HCK: variants seen among roughly 807,000 people sequenced by gnomAD.
HCK encodes tyrosine-protein kinase HCK.
HCK carries 40 observed loss-of-function variants against 70.4 expected under a neutral mutation model. The observed-to-expected ratio is 0.57, with a 90% CI of 0.44 to 0.74. The LOEUF (loss-of-function observed/expected upper bound fraction) is 0.74, where lower values mean the gene tolerates loss of function less well. Among genes scored for constraint, HCK ranks in the 30% least tolerant of loss-of-function variants. The pLI, the probability that HCK is intolerant of heterozygous loss-of-function variation, is 0.00. For synonymous variants in HCK, 245 were observed against 263.2 expected (o/e 0.93, Z 0.67); for missense variants, 568 against 697.2 (o/e 0.81, Z 2.09).
chr20:32,094,705 A>AAAAGAAAAG (rs1555877762), intron 11 of HCK, among the ~76,000 whole-genome samples: 19 of 74,912 alleles, frequency 2.5e-4, no homozygotes, highest in Non-Finnish European at 3.5e-4. Flanking sequence ...AAAAGAAAAG[A>AAAAGAAAAG]AAAGAAAGAA....
intron 4 of HCK, among the ~76,000 whole-genome samples, chr20:32,074,028 T>C (rs1337061946): frequency 2.0e-5 from 3 of 152,186 alleles, no homozygotes; most frequent in Admixed American, 1.3e-4. Context: ...ACGTCCAGCC[T>C]GAGATGAACA....
chr20:32,055,841 C>T (rs533782314), intron 1 of HCK, among the ~76,000 whole-genome samples: 2 of 152,286 alleles, frequency 1.3e-5, no homozygotes, highest in African/African-American at 2.4e-5. Flanking sequence ...CCCATTCCCC[C>T]GGCCCCTGGC....
chr20:32,085,390 T>C (rs2045770450), intron 8 of HCK, among the ~76,000 whole-genome samples: 2 of 151,992 alleles, frequency 1.3e-5, no homozygotes, highest in South Asian at 4.2e-4. Context: ...GGTGGGAGCC[T>C]GTAATCCCAC....
At chr20:32,077,251 C>CCTTGAAA (rs1428230852) in intron 5 of HCK, among the ~76,000 whole-genome samples, 1 of 152,130 alleles carries the variant, frequency 6.6e-6, no homozygotes, top group Non-Finnish European at 1.5e-5. Context: ...TCTCATTCTC[C>CCTTGAAA]CTTGAAATAG....
At position 32,099,007 on chromosome 20, in the gene HCK, C is replaced by T. The variant is rs759842107; in HGVS notation, c.1250C>T (p.Ala417Val). 6.2e-7 allele frequency: 1 copy of T among 1,614,104 alleles called. No individual in the cohort carries two copies. Among genetic ancestry groups the T allele is most frequent in the Non-Finnish European group, 8.5e-7 (1 of 1,179,972 alleles). The change falls in exon 12 of 13, where the codon GCC (alanine) becomes GTC (valine). Residue 417 changes from alanine (A) to valine (V), a missense_variant. Coordinates refer to ENST00000375852, the MANE Select transcript of HCK (RefSeq NM_002110.5). The stretch of plus-strand genomic sequence containing the variant: ...TCTGCTCTGTTCAACCCTGCAGGGG[C>T]CAAGTTCCCCATCAAGTGGACAGCT...
chr20:32,057,365 C>G, intron 1 of HCK, among the ~76,000 whole-genome samples: 1 of 152,096 alleles, frequency 6.6e-6, no homozygotes, highest in East Asian at 1.9e-4. Flanking sequence ...TTTGGGAGGC[C>G]GAGACAGGCA....
In HCK at chr20:32,074,720, G is replaced by A; in HGVS notation, c.427G>A (p.Glu143Lys). The change falls in exon 5 of 13, where the codon GAG becomes AAG. Residue 143 changes from glutamate (E) to lysine (K), a missense_variant and splice_region_variant. Physicochemically the swap from Glu to Lys is moderately conservative, Grantham distance 56. This residue lies in a region of HCK where 318 missense variants were observed against 336.0 expected (regional missense o/e 0.95). Coordinates refer to ENST00000375852, the MANE Select transcript of HCK (RefSeq NM_002110.5). ...CCGCGTTGACTCTCTGGAGACAGAG[G>A]AGTAAGTATCCTATTTCCTACCTTC... 1.2e-6 allele frequency: 2 copies of A among 1,608,354 alleles called. No homozygotes were observed. Among genetic ancestry groups the A allele is most frequent in the East Asian group, 4.5e-5 (2 of 44,866 alleles).
At position 32,060,093 on chromosome 20, in the gene HCK, G is replaced by C. The variant is rs188690454; in HGVS notation, c.62+7607G>C. ...GGTGGTGAACTGGCCACCATGTCCT[G>C]TCTGGAGGGGGAAACTTCCACTCAG... is the stretch of plus-strand genomic sequence containing the variant. On this transcript the variant is annotated intron_variant, in intron 1 of 12. Coordinates refer to ENST00000375852, the MANE Select transcript of HCK (RefSeq NM_002110.5). 5.3e-4 allele frequency among the ~76,000 whole-genome samples: 81 copies of C among 152,252 alleles called. 1 individual carries two copies. The South Asian group carries it at 0.017, about 31-fold the overall frequency.
chr20:32,075,260 A>G (rs147811714), intron 5 of HCK, among the ~76,000 whole-genome samples: 1 of 152,062 alleles, frequency 6.6e-6, no homozygotes, highest in Non-Finnish European at 1.5e-5. Flanking sequence ...TAGCACCATC[A>G]CAGCTCACTT....
At chr20:32,087,528 C>T (rs1600735470) in intron 9 of HCK, among the ~76,000 whole-genome samples, 1 of 152,030 alleles carries the variant, frequency 6.6e-6, no homozygotes, top group Non-Finnish European at 1.5e-5. Context: ...AGTGCAGTGG[C>T]GTGATCATAG....
At chr20:32,089,153 G>A (rs2045830734) in intron 10 of HCK, among the ~76,000 whole-genome samples, 1 of 152,258 alleles carries the variant, frequency 6.6e-6, no homozygotes, top group Non-Finnish European at 1.5e-5. Context: ...GCCTTCATGA[G>A]CAGGCTCTCA....
chr20:32,058,901 G>A lies in HCK; in HGVS notation c.62+6415G>A, dbSNP rs148462106. ...AACAGGCTTGAGAGGTGAGGGAACC[G>A]GGGTATTTGTCCACCCTGTTCTCGC... is the stretch of plus-strand genomic sequence containing the variant. On this transcript the variant is annotated intron_variant, in intron 1 of 12. Transcript: ENST00000375852. Among the ~76,000 whole-genome samples the A allele has an allele frequency of 4.0e-3, 608 of 152,284 alleles. 7 individuals are homozygous for A. The highest frequency in any genetic ancestry group is 0.014 in the African/African-American group (574 of 41,556).
Position 32,099,204 on chromosome 20 carries a change from A to G in HCK, c.1378+69A>G. 4 of 1,505,436 alleles carry G rather than the reference A, an allele frequency of 2.7e-6. No individual in the cohort carries two copies. In the South Asian group the frequency reaches 4.7e-5, roughly 18 times the overall value. 93.3% of individuals were successfully genotyped at this position (1,505,436 alleles called of 1,614,324 possible). ...CTGGCAATGGGCTCATCTCAACAAC[A>G]TGTCCATTCAAACTGAGTTCTTGAT... On this transcript the variant is annotated intron_variant, in intron 12 of 12. Coordinates refer to ENST00000375852, the MANE Select transcript of HCK (RefSeq NM_002110.5).
In HCK at chr20:32,071,643, T is replaced by C; in HGVS notation, c.63-19T>C. 3 of 1,612,218 alleles carry C rather than the reference T, an allele frequency of 1.9e-6. No homozygotes were observed. The highest frequency in any genetic ancestry group is 2.5e-6 in the Non-Finnish European group (3 of 1,179,042). Reference sequence around the variant, plus strand: ...AGGCTCTTGGTAACTGGGGCTCACCTCCCTTCTGTCTGCTGCAGGATGGGG... The same window carrying C: ...AGGCTCTTGGTAACTGGGGCTCACCCCCCTTCTGTCTGCTGCAGGATGGGG... On this transcript the variant is annotated intron_variant, in intron 1 of 12. Coordinates refer to ENST00000375852, the MANE Select transcript of HCK (RefSeq NM_002110.5).
chr20:32,071,963 G>A, intron 2 of HCK, 181 bp downstream of exon 2: 2 of 686,162 alleles, frequency 2.9e-6, no homozygotes, highest in Non-Finnish European at 4.7e-6. Context: ...CATGCATAGG[G>A]GCAAAGAAGT....
chr20:32,070,816 G>A (rs530050843), intron 1 of HCK, among the ~76,000 whole-genome samples: 1 of 151,914 alleles, frequency 6.6e-6, no homozygotes, highest in Admixed American at 6.6e-5. Context: ...GTAAATGGAT[G>A]AATGAATTAC....
At chr20:32,093,506 T>TGTGTGG (rs2045891954) in intron 10 of HCK, among the ~76,000 whole-genome samples, 1 of 151,578 alleles carries the variant, frequency 6.6e-6, no homozygotes, top group Admixed American at 6.6e-5. Context: ...TGTGTGTGTG[T>TGTGTGG]GTGTGTGTGT....
At chr20:32,070,459 C>T (rs1432551259) in intron 1 of HCK, among the ~76,000 whole-genome samples, 1 of 152,192 alleles carries the variant, frequency 6.6e-6, no homozygotes, top group Non-Finnish European at 1.5e-5. Context: ...TCTCTAAGCA[C>T]ATGCCAGCCT....
At chr20:32,097,495 C>T (rs944234822) in intron 11 of HCK, among the ~76,000 whole-genome samples, 1 of 151,892 alleles carries the variant, frequency 6.6e-6, no homozygotes, top group Non-Finnish European at 1.5e-5. Context: ...AGGAGAATGG[C>T]GTGAAAGCCG....
Sources: allele counts gnomAD v4.1 joint callset (sites outside exome capture counted in the v4.1 genomes callset), GRCh38; gene constraint gnomAD v4.1.1; regional missense constraint gnomAD v4.1.1; transcripts MANE v1.5; gene names NCBI Gene and HGNC (gene_info 2026-07-23, HGNC 2026-07-21).